Variants in PCNX1 observed in about 807,000 individuals in gnomAD.
The protein encoded by PCNX1 is pecanex 1, also known as pecanex-like protein 1.
PCNX1 carries 78 observed loss-of-function variants against 242.2 expected under a neutral mutation model. The ratio of observed to expected loss-of-function variants is 0.32; its 90% CI spans 0.27 to 0.39. The LOEUF is 0.39. Among genes scored for constraint, PCNX1 ranks in the 10% least tolerant of loss-of-function variants. The pLI, the probability that PCNX1 is intolerant of heterozygous loss-of-function variation, is 1.00. For synonymous variants in PCNX1, 1,024 were observed against 1,032.9 expected, an observed-to-expected ratio of 0.99 and a Z score of 0.17; for missense variants, 2,581 against 2,856.5, an observed-to-expected ratio of 0.90 and a Z score of 2.20.
At chr14:71,061,511 G>T (rs2061325741) in intron 26 of PCNX1, among the ~76,000 whole-genome samples, 1 of 152,144 alleles carries the variant, frequency 6.6e-6, no homozygotes, top group African/African-American at 2.4e-5. Flanking sequence ...TCCAACCAAT[G>T]GATCAAGAAG....
chr14:70,923,448 A>G (rs1005852934), intron 1 of PCNX1, among the ~76,000 whole-genome samples: 18 of 152,240 alleles, frequency 1.2e-4, no homozygotes, highest in Admixed American at 7.2e-4. Context: ...AAATATGGCA[A>G]TAAATTTGCA....
intron 30 of PCNX1, among the ~76,000 whole-genome samples, chr14:71,090,337 C>G (rs1272907398): frequency 1.3e-5 from 2 of 152,170 alleles, no homozygotes; most frequent in African/African-American, 2.4e-5. Context: ...ATGATAGAGA[C>G]CCTGTGATAA....
chr14:70,910,027 T>G (rs1294703386), intron 1 of PCNX1, among the ~76,000 whole-genome samples: 3 of 11,936 alleles, frequency 2.5e-4, no homozygotes, highest in East Asian at 9.3e-4. Context: ...AGACGACGAC[T>G]CCTCCCTCCT....
intron 1 of PCNX1, among the ~76,000 whole-genome samples, chr14:70,944,943 T>G (rs1173151304): frequency 6.6e-6 from 1 of 152,246 alleles, no homozygotes; most frequent in Admixed American, 6.5e-5. Flanking sequence ...TCCTCAGCCA[T>G]GTGGAACTGT....
intron 19 of PCNX1, among the ~76,000 whole-genome samples, chr14:71,040,747 T>C (rs1390823827): frequency 6.6e-6 from 1 of 152,164 alleles, no homozygotes; most frequent in African/African-American, 2.4e-5. Context: ...ATAGTTACCC[T>C]CTTGTGCTAT....
In PCNX1 at chr14:71,055,424, C is replaced by G. The variant is rs953366056; in HGVS notation, c.4578-80C>G. Reference sequence around the variant, plus strand: ...TGATAACCTTTATTTTATACATTTCCTATAGTTTCTTCCTCAGTCTAAATT... The same window carrying G: ...TGATAACCTTTATTTTATACATTTCGTATAGTTTCTTCCTCAGTCTAAATT... On this transcript the variant is annotated intron_variant, in intron 24 of 35. Transcript: ENST00000304743. The G allele has an allele frequency of 1.6e-5, 13 of 794,082 alleles. No homozygotes were observed. The African/African-American group carries it at 1.7e-4, about 11-fold the overall frequency. The allele number at this position is 794,082 out of a possible 1,614,324, so 49.2% of individuals were successfully genotyped here.
intron 26 of PCNX1, among the ~76,000 whole-genome samples, chr14:71,072,596 G>A (rs954594633): frequency 6.6e-6 from 1 of 152,180 alleles, no homozygotes; most frequent in East Asian, 1.9e-4. Context: ...CAAAGCAGTG[G>A]TTTTCAGACA....
chr14:70,958,350 CTA>C (rs549735340), intron 2 of PCNX1, among the ~76,000 whole-genome samples: 52 of 152,216 alleles, frequency 3.4e-4, no homozygotes, highest in African/African-American at 1.1e-3. Flanking sequence ...TAAAAACACA[CTA>C]GAGTTCAAAC....
chr14:71,051,878 C>T lies in PCNX1; in HGVS notation c.4448-5C>T. The T allele has an allele frequency of 1.9e-6, 3 of 1,610,422 alleles. No individual in the cohort carries two copies. The South Asian group carries it at 3.3e-5, about 18-fold the overall frequency. ...TGTCAGTGTCCTTAACTAGTTTTCC[C>T]ATAGATTCAGCCATGCTGTTTATTC... On this transcript the variant is annotated splice_region_variant and splice_polypyrimidine_tract_variant and intron_variant, in intron 23 of 35. Transcript: ENST00000304743.
At chr14:71,073,898 A>G (rs1014231273) in intron 27 of PCNX1, 100 bp downstream of exon 27, 3 of 771,082 alleles carry the variant, frequency 3.9e-6, no homozygotes, top group Non-Finnish European at 5.4e-6. Flanking sequence ...TTTTTAACGT[A>G]TGCTTTGCTT....
intron 19 of PCNX1, among the ~76,000 whole-genome samples, chr14:71,039,803 A>G (rs2060653959): frequency 6.6e-6 from 1 of 152,174 alleles, no homozygotes; most frequent in Admixed American, 6.5e-5. Context: ...TATCTAAATC[A>G]GGTTCAGGTA....
At chr14:70,915,013 A>G (rs1027443331) in intron 1 of PCNX1, among the ~76,000 whole-genome samples, 2 of 152,272 alleles carry the variant, frequency 1.3e-5, no homozygotes, top group South Asian at 4.1e-4. Flanking sequence ...TTTCATATAA[A>G]TGGAATCATG....
intron 33 of PCNX1, 52 bp downstream of exon 33, chr14:71,105,492 C>A: frequency 7.3e-7 from 1 of 1,374,562 alleles, no homozygotes. Flanking sequence ...GCCATAGAGG[C>A]TGGTTAGTAT....
intron 2 of PCNX1, among the ~76,000 whole-genome samples, chr14:70,959,006 C>T (rs2058098371): frequency 8.0e-6 from 1 of 124,474 alleles, no homozygotes; most frequent in Non-Finnish European, 1.6e-5. Flanking sequence ...TAACTTTTAT[C>T]CAGATAATAG....
chr14:71,023,285 A>G (rs2060153837), intron 13 of PCNX1, 53 bp downstream of exon 13: 1 of 1,343,916 alleles, frequency 7.4e-7, no homozygotes, highest in Admixed American at 1.8e-5. Flanking sequence ...ATTTATCATA[A>G]TATTTGTGGT....
Position 71,089,292 on chromosome 14 carries a change from C to A in PCNX1, c.5539C>A (p.Leu1847Ile). The A allele has an allele frequency of 1.9e-6, 3 of 1,612,740 alleles. No individual in the cohort carries two copies. Among genetic ancestry groups the A allele is most frequent in the Non-Finnish European group, 2.5e-6 (3 of 1,179,066 alleles). The change falls in exon 30 of 36, where the codon CTA becomes ATA. Residue 1847 changes from leucine (L) to isoleucine (I), a missense_variant. Around this residue, in one of 9 missense-constraint regions of PCNX1, gnomAD observed 298 missense variants for 480.1 expected, o/e 0.62. Coordinates refer to ENST00000304743, the MANE Select transcript of PCNX1 (RefSeq NM_014982.3). ...DEWIFADMEL[L>I]RKVVVPGIRM... Reference sequence around the variant, plus strand: ...ATGGATCTTTGCTGACATGGAATTGCTAAGAAAAGTAGTAGTCCCTGGGAT... The same window carrying A: ...ATGGATCTTTGCTGACATGGAATTGATAAGAAAAGTAGTAGTCCCTGGGAT...
chr14:70,926,117 A>G (rs1349872597), intron 1 of PCNX1, among the ~76,000 whole-genome samples: 1 of 152,182 alleles, frequency 6.6e-6, no homozygotes. Flanking sequence ...GTGGAAGCCC[A>G]TTTAGTACAG....
chr14:71,061,915 C>A (rs1013407168), intron 26 of PCNX1, among the ~76,000 whole-genome samples: 1 of 151,922 alleles, frequency 6.6e-6, no homozygotes, highest in Non-Finnish European at 1.5e-5. Context: ...AGGGAAACAG[C>A]TAGAGAAGAA....
chr14:71,089,471 G>GTAA lies in PCNX1; in HGVS notation c.5589+129_5589+130insTAA, dbSNP rs369544737. On this transcript the variant is annotated intron_variant, in intron 30 of 35. Transcript: ENST00000304743. ...GACTGGGTAATTTATAAAGGAAAGA[G>GTAA]GTTTAATTGACTCACAGTTCCACAG... 1.6e-3 allele frequency: 1,096 copies of GTAA among 677,056 alleles called. 7 individuals are homozygous for GTAA. In the African/African-American group the frequency reaches 0.019, roughly 12 times the overall value. The allele number at this position is 677,056 out of a possible 1,614,324, so 41.9% of individuals were successfully genotyped here.
Sources: gnomAD v4.1 joint callset for allele counts (sites outside exome capture counted in the v4.1 genomes callset) on GRCh38, gnomAD v4.1.1 for gene constraint, gnomAD v4.1.1 regional missense constraint, MANE v1.5 for transcripts, NCBI Gene and HGNC (gene_info 2026-07-23, HGNC 2026-07-21) for gene names.